The following LPIN1 variants were observed in gnomAD, a reference collection of about 807,000 sequenced individuals.
LPIN1 encodes the protein lipin 1, also known as phosphatidate phosphatase LPIN1.
Under a neutral mutation model 107.5 loss-of-function variants are expected in LPIN1, and 71 were observed. That is an observed-to-expected ratio of 0.66 (90% CI 0.55 to 0.80). LPIN1 has a LOEUF of 0.80. Ranked by LOEUF, LPIN1 falls within the 30% of genes least tolerant of loss-of-function variation. The probability of loss-of-function intolerance (pLI) is 0.00; values close to 1 mark genes in which losing one functional copy is unlikely to be tolerated. For missense variants in LPIN1, 1,043 were observed against 1,160.6 expected, an observed-to-expected ratio of 0.90 and a Z score of 1.47; for synonymous variants, 445 against 452.6, an observed-to-expected ratio of 0.98 and a Z score of 0.21.
upstream of LPIN1, among the ~76,000 whole-genome samples, chr2:11,720,283 A>G (rs760489699): frequency 1.3e-5 from 2 of 152,128 alleles, no homozygotes; most frequent in Non-Finnish European, 2.9e-5. Flanking sequence ...GACATGACCC[A>G]TGATATGGTA....
chr2:11,820,107 C>A (rs75773884), intron 19 of LPIN1, among the ~76,000 whole-genome samples: 1 of 152,076 alleles, frequency 6.6e-6, no homozygotes, highest in Non-Finnish European at 1.5e-5. Context: ...TTGAAAGTTA[C>A]GAGAGATTTT....
intron 1 of LPIN1, among the ~76,000 whole-genome samples, chr2:11,677,998 A>G (rs1426630592): frequency 1.3e-5 from 2 of 152,244 alleles, no homozygotes; most frequent in African/African-American, 4.8e-5. Context: ...TGGAAAATGC[A>G]TAGTGATTGC....
At chr2:11,802,708 A>G (rs1217967132) in intron 14 of LPIN1, among the ~76,000 whole-genome samples, 199 bp from the exon 15 acceptor site, 1 of 152,158 alleles carries the variant, frequency 6.6e-6, no homozygotes, top group Admixed American at 6.5e-5. Context: ...CAGCCCCCAC[A>G]CGTGTAATGC....
chr2:11,720,768 T>C (rs1572395607), upstream of LPIN1, among the ~76,000 whole-genome samples: 1 of 152,110 alleles, frequency 6.6e-6, no homozygotes, highest in South Asian at 2.1e-4. Flanking sequence ...GCAGTGTGTG[T>C]GTCTGGCAGA....
Position 11,765,420 on chromosome 2 carries a change from C to G in LPIN1, c.-9-113C>G, listed in dbSNP as rs967009533. On this transcript the variant is annotated intron_variant, in intron 1 of 20. Transcript: ENST00000674199. The surrounding 1 kb of genome is among the most constrained non-coding windows in gnomAD (Gnocchi z 4.4). ...GAACACATTCCGGAAATGAGAGGAGCTGAAAGTTGAGTGTGTAATCCACGT... is the reference window on the plus strand; with the variant it reads ...GAACACATTCCGGAAATGAGAGGAGGTGAAAGTTGAGTGTGTAATCCACGT... The G allele has an allele frequency of 1.4e-5, 14 of 983,638 alleles. No homozygotes were observed. Among genetic ancestry groups the G allele is most frequent in the Non-Finnish European group, 2.1e-5 (14 of 652,284 alleles). The allele number at this position is 983,638 out of a possible 1,614,324, so 60.9% of individuals were successfully genotyped here. A position where few individuals can be genotyped will look rare whatever the true frequency, so the allele number is the denominator to read the frequency against.
At chr2:11,772,074 A>C (rs1671938927) in intron 4 of LPIN1, among the ~76,000 whole-genome samples, 2 of 152,202 alleles carry the variant, frequency 1.3e-5, no homozygotes, top group Non-Finnish European at 2.9e-5. Context: ...AGGAGTGCGC[A>C]GCCCAGATCC....
At chr2:11,715,311 G>T (rs1172024733) in intron 2 of LPIN1, among the ~76,000 whole-genome samples, 2 of 152,206 alleles carry the variant, frequency 1.3e-5, no homozygotes, top group South Asian at 2.1e-4. Flanking sequence ...GGTAAGGAAA[G>T]GCAATCCGCT....
chr2:11,765,759 G>T lies in LPIN1; in HGVS notation c.192+26G>T, dbSNP rs1473535867. On this transcript the variant is annotated intron_variant, in intron 2 of 20. Transcript: ENST00000674199. This position sits in a 1 kb window ranked among gnomAD's most constrained non-coding sequence, Gnocchi z 4.4. ...GTGAGCTCTCAGGGCACGGGGACCTGGCACCGGCTCTCCTTAGAGAATGCC... is the reference window on the plus strand; with the variant it reads ...GTGAGCTCTCAGGGCACGGGGACCTTGCACCGGCTCTCCTTAGAGAATGCC... 1 of 1,596,028 alleles carries T rather than the reference G, an allele frequency of 6.3e-7. No homozygotes were observed. The highest frequency in any genetic ancestry group is 1.3e-5 in the African/African-American group (1 of 74,624).
intron 1 of LPIN1, among the ~76,000 whole-genome samples, chr2:11,704,810 G>T (rs1248470901): frequency 6.6e-6 from 1 of 152,194 alleles, no homozygotes; most frequent in East Asian, 1.9e-4. Context: ...CTCTGCCGGG[G>T]ATCCTGCTAT....
At chr2:11,728,027 C>G (rs140510246) in intron 1 of LPIN1, among the ~76,000 whole-genome samples, 21 of 152,316 alleles carry the variant, frequency 1.4e-4, no homozygotes, top group African/African-American at 3.6e-4. Context: ...GCCAGAGTCA[C>G]TTAGGCCAGC....
intron 1 of LPIN1, among the ~76,000 whole-genome samples, chr2:11,692,141 T>G (rs1662302398): frequency 1.3e-5 from 2 of 152,246 alleles, no homozygotes; most frequent in Admixed American, 1.3e-4. Flanking sequence ...GTCCACACAC[T>G]GAACATACCT....
intron 11 of LPIN1, among the ~76,000 whole-genome samples, chr2:11,787,638 C>G (rs2148666298): frequency 6.6e-6 from 1 of 151,982 alleles, no homozygotes; most frequent in African/African-American, 2.4e-5. Context: ...ACATCTCTAC[C>G]CTTTTGAAAA....
intron 1 of LPIN1, among the ~76,000 whole-genome samples, chr2:11,753,231 C>T (rs1191279900): frequency 1.2e-4 from 17 of 142,880 alleles, no homozygotes; most frequent in Admixed American, 1.2e-3. Flanking sequence ...GACCCCAGGG[C>T]TGGCTGTTTT....
chr2:11,764,076 G>GTA (rs755597832), intron 1 of LPIN1: 1,031 of 57,458 alleles, frequency 0.018, 9 homozygotes, highest in Non-Finnish European at 0.021. Context: ...GTGTGTGTGT[G>GTA]TGTATATATA....
chr2:11,690,618 C>G (rs1399545714), intron 1 of LPIN1, among the ~76,000 whole-genome samples: 2 of 152,178 alleles, frequency 1.3e-5, no homozygotes, highest in Non-Finnish European at 2.9e-5. Context: ...TCCTCCATGC[C>G]TCCTAGCTGC....
chr2:11,710,085 A>T (rs1663332531), intron 1 of LPIN1, among the ~76,000 whole-genome samples: 1 of 152,032 alleles, frequency 6.6e-6, no homozygotes, highest in Non-Finnish European at 1.5e-5. Context: ...TTTCCATCTG[A>T]CTCTCATAGC....
upstream of LPIN1, among the ~76,000 whole-genome samples, chr2:11,721,239 G>A (rs1157066203): frequency 6.6e-6 from 1 of 151,280 alleles, no homozygotes; most frequent in Non-Finnish European, 1.5e-5. Flanking sequence ...TTGGACCTGA[G>A]ATTGACAGTT....
chr2:11,817,895 T>G (rs1680848967), intron 18 of LPIN1: 1 of 124,218 alleles, frequency 8.1e-6, no homozygotes, highest in Non-Finnish European at 1.6e-5. Context: ...ATAGCGCCAC[T>G]GCACTCCAGC....
At position 11,783,942 on chromosome 2, in the gene LPIN1, C is replaced by T. The variant is rs377766040; in HGVS notation, c.1358+20C>T. 7.4e-5 allele frequency: 120 copies of T among 1,613,510 alleles called. No homozygotes were observed. The highest frequency in any genetic ancestry group is 9.8e-5 in the Non-Finnish European group (116 of 1,179,604). On this transcript the variant is annotated intron_variant, in intron 9 of 20. Transcript: ENST00000674199. The stretch of plus-strand genomic sequence containing the variant: ...CAAAAAGTAAAATTCCTGTTAATTC[C>T]TCACATCATTTCCTATAATCTGAAT...
Sources: gnomAD v4.1 joint callset for allele counts (sites outside exome capture counted in the v4.1 genomes callset) on GRCh38, gnomAD v4.1.1 for gene constraint, Gnocchi (gnomAD v3.1) non-coding constraint, MANE v1.5 for transcripts, NCBI Gene and HGNC (gene_info 2026-07-23, HGNC 2026-07-21) for gene names.